Variants in ARHGEF38 observed in about 807,000 individuals in gnomAD.
The protein encoded by ARHGEF38 is Rho guanine nucleotide exchange factor 38, also known as Rho guanine nucleotide exchange factor (GEF) 38.
Under a neutral mutation model 79.9 loss-of-function variants are expected in ARHGEF38, and 79 were observed. The observed-to-expected ratio is 0.99, with a 90% CI of 0.82 to 1.19. The LOEUF (loss-of-function observed/expected upper bound fraction) is 1.19. Among genes scored for constraint, ARHGEF38 ranks in the 50% most tolerant of loss-of-function variants. The pLI is 0.00. For synonymous variants in ARHGEF38, 366 were observed against 328.3 expected (o/e 1.11, Z -1.24); for missense variants, 962 against 907.2 (o/e 1.06, Z -0.78).
intron 1 of ARHGEF38, among the ~76,000 whole-genome samples, chr4:105,584,448 C>A (rs180697324): frequency 4.8e-4 from 73 of 152,280 alleles, no homozygotes; most frequent in African/African-American, 1.7e-3. Context: ...TCTTCGAAAT[C>A]ACTTTATAAG....
chr4:105,624,884 G>T (rs1728879755), intron 3 of ARHGEF38, among the ~76,000 whole-genome samples: 1 of 152,186 alleles, frequency 6.6e-6, no homozygotes, highest in African/African-American at 2.4e-5. Flanking sequence ...TCAGCTGTGT[G>T]TGTCACTCAG....
At chr4:105,603,163 T>C (rs938123626) in intron 2 of ARHGEF38, among the ~76,000 whole-genome samples, 1 of 152,128 alleles carries the variant, frequency 6.6e-6, no homozygotes, top group African/African-American at 2.4e-5. Flanking sequence ...AGCTACAATA[T>C]ATTGAGTACT....
At chr4:105,586,407 C>T in intron 1 of ARHGEF38, among the ~76,000 whole-genome samples, 1 of 152,156 alleles carries the variant, frequency 6.6e-6, no homozygotes, top group South Asian at 2.1e-4. Context: ...AGTATTTTCA[C>T]TGACACTTTA....
At chr4:105,664,518 A>T (rs1293240383) in intron 10 of ARHGEF38, among the ~76,000 whole-genome samples, 1 of 152,016 alleles carries the variant, frequency 6.6e-6, no homozygotes, top group Non-Finnish European at 1.5e-5. Context: ...AGTCAGACAC[A>T]CTCTTTCTAT....
At chr4:105,660,532 C>A (rs181712408) in intron 10 of ARHGEF38, among the ~76,000 whole-genome samples, 133 of 151,896 alleles carry the variant, frequency 8.8e-4, no homozygotes, top group African/African-American at 3.0e-3. Flanking sequence ...CTCCACCTTC[C>A]GGGTTCAAGC....
At chr4:105,672,325 T>C (rs759729531) in intron 13 of ARHGEF38, among the ~76,000 whole-genome samples, 58 of 152,224 alleles carry the variant, frequency 3.8e-4, no homozygotes, top group Non-Finnish European at 6.0e-4. Context: ...TTATCCATTC[T>C]CTACCTCAAG....
At chr4:105,559,438 A>G (rs953479162) in intron 1 of ARHGEF38, among the ~76,000 whole-genome samples, 1 of 152,198 alleles carries the variant, frequency 6.6e-6, no homozygotes, top group East Asian at 1.9e-4. Flanking sequence ...TGTTCAGATC[A>G]TGTCTACCAG....
intron 13 of ARHGEF38, among the ~76,000 whole-genome samples, chr4:105,669,125 G>C (rs887307736): frequency 6.6e-6 from 1 of 152,030 alleles, no homozygotes; most frequent in African/African-American, 2.4e-5. Flanking sequence ...GACAATGCTT[G>C]GGTATATCCT....
chr4:105,677,579 T>G (rs1031331108), intron 13 of ARHGEF38, among the ~76,000 whole-genome samples, 173 bp from the exon 14 acceptor site: 3 of 152,186 alleles, frequency 2.0e-5, no homozygotes, highest in Non-Finnish European at 2.9e-5. Flanking sequence ...TTTCACTCCA[T>G]TCTCACCTGG....
chr4:105,658,303 G>A (rs1730420214), intron 9 of ARHGEF38, among the ~76,000 whole-genome samples: 1 of 152,088 alleles, frequency 6.6e-6, no homozygotes, highest in South Asian at 2.1e-4. Flanking sequence ...TAGCTATTCG[G>A]GAGGCTGAGG....
Position 105,561,474 on chromosome 4 carries a change from A to AATAGAATAGAATG in ARHGEF38, c.196+8513_196+8514insATAGAATAGAATG, listed in dbSNP as rs1725589170. ...GGAATAGAATAGAATAGAATAGAATAGAATAGAATAGAATAGAATAGAATA... is the reference window on the plus strand; with the variant it reads ...GGAATAGAATAGAATAGAATAGAATAATAGAATAGAATGGAATAGAATAGAATAGAATAGAATA... On this transcript the variant is annotated intron_variant, in intron 1 of 13. Transcript: ENST00000420470. 9.8e-5 allele frequency: 5 copies of AATAGAATAGAATG among 50,778 alleles called. 1 individual carries two copies. The highest frequency in any genetic ancestry group is 2.1e-4 in the Non-Finnish European group (5 of 24,388). The allele number at this position is 50,778 out of a possible 1,614,324, so 3.1% of individuals were successfully genotyped here. A position where few individuals can be genotyped will look rare whatever the true frequency, so the allele number is the denominator to read the frequency against.
At position 105,666,269 on chromosome 4, in the gene ARHGEF38, C is replaced by A. The variant is rs952472952; in HGVS notation, c.1638C>A (p.Thr546=). Residue 546 remains threonine (T), a synonymous_variant, in exon 11 of 14, where the codon ACC becomes ACA. Transcript: ENST00000420470. ...NLNCVKENSA[T]FIERKLSFEK... ...ATTGTGTGAAAGAAAACAGTGCCAC[C>A]TTTATTGAGAGGAAACTCAGTTTTG... 5.2e-6 allele frequency: 8 copies of A among 1,534,554 alleles called. No individual in the cohort carries two copies. Among genetic ancestry groups the A allele is most frequent in the Non-Finnish European group, 7.0e-6 (8 of 1,146,174 alleles).
intron 5 of ARHGEF38, among the ~76,000 whole-genome samples, chr4:105,639,323 C>A (rs1304730782): frequency 7.9e-5 from 12 of 151,910 alleles, no homozygotes; most frequent in Admixed American, 5.3e-4. Flanking sequence ...AGTTTATCAT[C>A]TGACTTTTAA....
chr4:105,668,188 T>C (rs1006082173), intron 13 of ARHGEF38, among the ~76,000 whole-genome samples: 1 of 151,672 alleles, frequency 6.6e-6, no homozygotes, highest in Non-Finnish European at 1.5e-5. Flanking sequence ...TTTCTTTTTT[T>C]CTTTTTTTTT....
At chr4:105,579,290 G>T (rs371816239) in intron 1 of ARHGEF38, among the ~76,000 whole-genome samples, 165 of 152,216 alleles carry the variant, frequency 1.1e-3, no homozygotes, top group African/African-American at 3.8e-3. Flanking sequence ...GGTGAGAGCG[G>T]GCATTCTTGT....
chr4:105,590,120 AAGGAAG>A lies in ARHGEF38; in HGVS notation c.384+686_384+691del, dbSNP rs1215862885. 4.4e-3 allele frequency among the ~76,000 whole-genome samples: 621 copies of A among 142,636 alleles called. 5 individuals are homozygous for A. The highest frequency in any genetic ancestry group is 0.017 in the African/African-American group (581 of 33,784). 93.6% of individuals were successfully genotyped at this position (142,636 alleles called of 152,430 possible). On this transcript the variant is annotated intron_variant, in intron 2 of 13. Coordinates refer to ENST00000420470, the MANE Select transcript of ARHGEF38 (RefSeq NM_001242729.2). ...GAAGGAAGGAAGGAAGGAAGGAAGG[AAGGAAG>A]GAAAGAAAGAAAAAAAAGAAAGAAA...
chr4:105,624,593 G>A (rs1343270607), intron 3 of ARHGEF38, among the ~76,000 whole-genome samples: 1 of 152,196 alleles, frequency 6.6e-6, no homozygotes, highest in Non-Finnish European at 1.5e-5. Context: ...GCAAGGGAGT[G>A]TGGCTTCTTT....
chr4:105,634,267 A>G (rs1479231314), intron 4 of ARHGEF38, among the ~76,000 whole-genome samples: 2 of 152,194 alleles, frequency 1.3e-5, no homozygotes, highest in Non-Finnish European at 2.9e-5. Flanking sequence ...TTTCATCAAT[A>G]TAGATACAAT....
intron 1 of ARHGEF38, among the ~76,000 whole-genome samples, chr4:105,573,409 G>A (rs1726332539): frequency 6.6e-6 from 1 of 151,956 alleles, no homozygotes; most frequent in Non-Finnish European, 1.5e-5. Context: ...TTTGTATGTG[G>A]TGTTAGATAA....
Sources: allele counts gnomAD v4.1 joint callset (sites outside exome capture counted in the v4.1 genomes callset), GRCh38; gene constraint gnomAD v4.1.1; transcripts MANE v1.5; gene names NCBI Gene and HGNC (gene_info 2026-07-23, HGNC 2026-07-21).